The following GCNT2 variants were observed in gnomAD, a reference collection of about 807,000 sequenced individuals.
The protein encoded by GCNT2 is N-acetyllactosaminide beta-1,6-N-acetylglucosaminyl-transferase.
A neutral mutation model predicts 34.2 loss-of-function variants in GCNT2; 34 were observed. The observed-to-expected ratio is 1.00, with a 90% CI of 0.76 to 1.32. The LOEUF is 1.32. GCNT2 is among the 40% of genes most tolerant of loss of function. The pLI is 0.00. For missense variants in GCNT2, 584 were observed against 489.4 expected (o/e 1.19, Z -1.82); for synonymous variants, 212 against 188.0 (o/e 1.13, Z -1.04).
At chr6:10,603,296 G>GT in intron 3 of GCNT2, among the ~76,000 whole-genome samples, 1 of 152,278 alleles carries the variant, frequency 6.6e-6, no homozygotes, top group African/African-American at 2.4e-5. Flanking sequence ...CTATTTAATA[G>GT]TTACGTTATT....
intron 3 of GCNT2, chr6:10,586,904 T>G: frequency 6.2e-7 from 1 of 1,612,020 alleles, no homozygotes; most frequent in Middle Eastern, 1.7e-4. Context: ...TGACACTTAA[T>G]AGGGTTTCAG....
intron 3 of GCNT2, among the ~76,000 whole-genome samples, chr6:10,575,545 G>T (rs1763769068): frequency 6.6e-6 from 1 of 151,950 alleles, no homozygotes; most frequent in African/African-American, 2.4e-5. Flanking sequence ...TGTATTTTTA[G>T]TGGAGATGGG....
intron 3 of GCNT2, chr6:10,556,427 C>G: frequency 1.2e-6 from 2 of 1,613,590 alleles, no homozygotes; most frequent in Non-Finnish European, 1.7e-6. Context: ...TTGAGGCATG[C>G]CTTTATCAAT....
At chr6:10,527,703 A>G (rs1407069898) in intron 2 of GCNT2, 43 bp downstream of exon 2, 1 of 151,376 alleles carries the variant, frequency 6.6e-6, no homozygotes. Flanking sequence ...GGGGTAAGAG[A>G]TACGTGTGTA....
intron 4 of GCNT2, among the ~76,000 whole-genome samples, chr6:10,625,271 A>G (rs774058730): frequency 6.6e-6 from 1 of 152,182 alleles, no homozygotes; most frequent in African/African-American, 2.4e-5. Flanking sequence ...ACACTTCAAA[A>G]TTAATCTTGC....
At chr6:10,587,892 C>A (rs754254782) in intron 3 of GCNT2, among the ~76,000 whole-genome samples, 1 of 152,156 alleles carries the variant, frequency 6.6e-6, no homozygotes, top group Non-Finnish European at 1.5e-5. Context: ...TCACATACTT[C>A]CTGTCTACAC....
intron 3 of GCNT2, among the ~76,000 whole-genome samples, chr6:10,530,537 A>G (rs187512515): frequency 1.3e-5 from 2 of 152,102 alleles, no homozygotes; most frequent in African/African-American, 4.8e-5. Flanking sequence ...ACAACTTTCA[A>G]ATTTTTTATT....
At chr6:10,576,338 A>AC (rs1763809651) in intron 3 of GCNT2, among the ~76,000 whole-genome samples, 1 of 152,130 alleles carries the variant, frequency 6.6e-6, no homozygotes, top group South Asian at 2.1e-4. Context: ...TGCAACAGAG[A>AC]CCTAGTGAAT....
chr6:10,587,182 CT>C (rs1764392413), intron 3 of GCNT2, among the ~76,000 whole-genome samples: 1 of 152,188 alleles, frequency 6.6e-6, no homozygotes, highest in Non-Finnish European at 1.5e-5. Flanking sequence ...TGAATTAATA[CT>C]TTTCGTAGTC....
intron 3 of GCNT2, among the ~76,000 whole-genome samples, chr6:10,545,953 G>C (rs1367479337): frequency 6.6e-6 from 1 of 152,186 alleles, no homozygotes; most frequent in Non-Finnish European, 1.5e-5. Context: ...AGGTTGCAGG[G>C]TCTAGTTCCA....
At chr6:10,531,294 A>T (rs1298799210) in intron 3 of GCNT2, among the ~76,000 whole-genome samples, 1 of 152,202 alleles carries the variant, frequency 6.6e-6, no homozygotes, top group Non-Finnish European at 1.5e-5. Context: ...TTTATAGTGA[A>T]CCAATTTAGT....
At chr6:10,578,634 G>C (rs111852659) in intron 3 of GCNT2, among the ~76,000 whole-genome samples, 19 of 151,832 alleles carry the variant, frequency 1.3e-4, no homozygotes, top group African/African-American at 4.6e-4. Context: ...TTTTAGTAGA[G>C]ACGGGGTTTC....
At chr6:10,594,931 G>C (rs1383410078) in intron 3 of GCNT2, among the ~76,000 whole-genome samples, 2 of 149,260 alleles carry the variant, frequency 1.3e-5, no homozygotes, top group African/African-American at 5.0e-5. Context: ...CTGTAGCCTC[G>C]ACTTCCCAGG....
intron 3 of GCNT2, among the ~76,000 whole-genome samples, chr6:10,605,925 C>T (rs866771754): frequency 1.5e-4 from 23 of 152,288 alleles, no homozygotes; most frequent in African/African-American, 2.9e-4. Context: ...CCTGACCTGG[C>T]GTTCTCCCCA....
chr6:10,554,257 C>G (rs1475765680), intron 3 of GCNT2, among the ~76,000 whole-genome samples: 3 of 152,076 alleles, frequency 2.0e-5, no homozygotes, highest in Non-Finnish European at 4.4e-5. Context: ...TTTTTTAATA[C>G]CAGAATCTGA....
Position 10,555,879 on chromosome 6 carries a change from G to A in GCNT2, c.925+26043G>A, listed in dbSNP as rs1762677227. ...ATTTTCTATCCCGTGGGTTGCGCTGGAAGAGCTGAGAGGCCAGGCTGTGGA... is the reference window on the plus strand; with the variant it reads ...ATTTTCTATCCCGTGGGTTGCGCTGAAAGAGCTGAGAGGCCAGGCTGTGGA... On this transcript the variant is annotated intron_variant, in intron 3 of 4. Transcript: ENST00000495262. The A allele has an allele frequency of 4.0e-6, 4 of 993,810 alleles. No individual in the cohort carries two copies. The South Asian group carries it at 1.4e-4, about 34-fold the overall frequency. The allele number at this position is 993,810 out of a possible 1,614,324, so 61.6% of individuals were successfully genotyped here.
intron 3 of GCNT2, among the ~76,000 whole-genome samples, chr6:10,530,686 C>A (rs915256526): frequency 6.6e-6 from 1 of 151,818 alleles, no homozygotes; most frequent in Non-Finnish European, 1.5e-5. Flanking sequence ...GCCTGGGCAA[C>A]ATAGTGAGAC....
intron 3 of GCNT2, among the ~76,000 whole-genome samples, chr6:10,578,485 C>T (rs1321558251): frequency 8.1e-6 from 1 of 123,414 alleles, no homozygotes; most frequent in Non-Finnish European, 1.6e-5. Context: ...GTCTCGCTGT[C>T]GCCCAGGCTG....
chr6:10,585,049 G>A (rs1219793224), intron 3 of GCNT2, among the ~76,000 whole-genome samples: 1 of 134,678 alleles, frequency 7.4e-6, no homozygotes, highest in African/African-American at 3.5e-5. Flanking sequence ...GTGTGTGTGT[G>A]TGTGTGTGTG....
Sources: gnomAD v4.1 joint callset for allele counts (sites outside exome capture counted in the v4.1 genomes callset) on GRCh38, gnomAD v4.1.1 for gene constraint, MANE v1.5 for transcripts, NCBI Gene and HGNC (gene_info 2026-07-23, HGNC 2026-07-21) for gene names.